OSBPL5: variants seen among roughly 807,000 people sequenced by gnomAD.
OSBPL5 encodes the protein oxysterol binding protein like 5, also known as oxysterol-binding protein-related protein 5.
A neutral mutation model predicts 111.2 loss-of-function variants in OSBPL5; 71 were observed. The ratio of observed to expected loss-of-function variants is 0.64; its 90% confidence interval spans 0.53 to 0.78. OSBPL5 has a LOEUF of 0.78. OSBPL5 is among the 30% of genes least tolerant of loss of function. OSBPL5 has a pLI of 0.00. For synonymous variants in OSBPL5, 549 were observed against 513.9 expected (o/e 1.07, Z -0.93); for missense variants, 1,210 against 1,189.3 (o/e 1.02, Z -0.26).
At chr11:3,100,018 C>CAAAA (rs398015214) in intron 14 of OSBPL5, 140 bp downstream of exon 14, 474 of 451,496 alleles carry the variant, frequency 1.0e-3, no homozygotes, top group Middle Eastern at 1.6e-3. Flanking sequence ...AACTCCATCT[C>CAAAA]AAAAAAAAAA....
chr11:3,104,444 G>C lies in OSBPL5; in HGVS notation c.1060-67C>G, dbSNP rs112653967. 975 of 1,550,502 alleles carry C rather than the reference G, an allele frequency of 6.3e-4. 9 individuals are homozygous for C. In the African/African-American group the frequency reaches 0.012, roughly 18 times the overall value. On this transcript the variant is annotated intron_variant, in intron 9 of 21. Coordinates refer to ENST00000263650, the MANE Select transcript of OSBPL5 (RefSeq NM_020896.4). This position sits in a 1 kb window ranked among gnomAD's most constrained non-coding sequence, Gnocchi z 5.0. ...CGGGAGGAAGGGGTGGCGGGACAGT[G>C]GCAGCTCTGGCTGGAGGAGGCTGTA...
chr11:3,164,634 G>C (rs949586339), intron 1 of OSBPL5, among the ~76,000 whole-genome samples: 4 of 152,184 alleles, frequency 2.6e-5, no homozygotes, highest in African/African-American at 9.7e-5. Flanking sequence ...CCAGAGATGG[G>C]GGCTGTGGGC....
intron 20 of OSBPL5, 132 bp downstream of exon 20, chr11:3,090,426 C>G: frequency 1.6e-6 from 2 of 1,289,088 alleles, no homozygotes; most frequent in Non-Finnish European, 1.1e-6. Context: ...CCCCTCAGGG[C>G]AGCAGAGGAG....
chr11:3,129,319 G>C, intron 1 of OSBPL5, 150 bp from the exon 2 acceptor site: 1 of 714,748 alleles, frequency 1.4e-6, no homozygotes, highest in Non-Finnish European at 2.0e-6. Flanking sequence ...GAGCCTGGTG[G>C]TGGGTGGTCA....
At position 3,110,430 on chromosome 11, in the gene OSBPL5, C is replaced by T. The variant is rs1857881449; in HGVS notation, c.692-2485G>A. ...GCGGCCACTCAGGGAACAGCAACAG[C>T]GTGCAATGCATTTGGGAGTCAGGGA... On this transcript the variant is annotated intron_variant, in intron 7 of 21. Transcript: ENST00000263650. The surrounding 1 kb of genome is among the most constrained non-coding windows in gnomAD (Gnocchi z 5.3). 6.6e-6 allele frequency among the ~76,000 whole-genome samples: 1 copy of T among 152,220 alleles called. No individual in the cohort carries two copies. The highest frequency in any genetic ancestry group is 2.4e-5 in the African/African-American group (1 of 41,456).
Position 3,095,823 on chromosome 11 carries a change from G to A in OSBPL5, c.1622-1489C>T, listed in dbSNP as rs1006584166. On this transcript the variant is annotated intron_variant, in intron 14 of 21. Transcript: ENST00000263650. ...GTGATTAAGTGAAAGAGGATGGAACGTCACCATCTAGCAATGCCTTTTACA... is the reference window on the plus strand; with the variant it reads ...GTGATTAAGTGAAAGAGGATGGAACATCACCATCTAGCAATGCCTTTTACA... Among the ~76,000 whole-genome samples the A allele has an allele frequency of 3.3e-5, 5 of 152,202 alleles. No homozygotes were observed. The South Asian group carries it at 6.2e-4, about 19-fold the overall frequency.
intron 14 of OSBPL5, among the ~76,000 whole-genome samples, 154 bp downstream of exon 14, chr11:3,100,004 G>A (rs2134402775): frequency 7.4e-6 from 1 of 135,032 alleles, no homozygotes; most frequent in East Asian, 2.3e-4. Flanking sequence ...GGCAACAAGA[G>A]CGAAACTCCA....
chr11:3,093,732 G>A lies in OSBPL5; in HGVS notation c.1809+14C>T, dbSNP rs1382828800. 1.9e-6 allele frequency: 3 copies of A among 1,612,798 alleles called. No individual in the cohort carries two copies. Among genetic ancestry groups the A allele is most frequent in the Non-Finnish European group, 2.5e-6 (3 of 1,179,962 alleles). On this transcript the variant is annotated intron_variant, in intron 16 of 21. Transcript: ENST00000263650. ...ACCGCCCGGCCGTGCCTGCCCTGAG[G>A]GACGGCCCCTTACCCAGTGGCCACT...
intron 4 of OSBPL5, 68 bp downstream of exon 4, chr11:3,122,280 C>T (rs912543946): frequency 1.3e-6 from 2 of 1,534,108 alleles, no homozygotes; most frequent in South Asian, 1.2e-5. Context: ...GGGAGGGTGA[C>T]CTCCCTGGCT....
In OSBPL5 at chr11:3,103,312, A is replaced by C. The variant is rs778498184; in HGVS notation, c.1253T>G (p.Val418Gly). The C allele has an allele frequency of 6.2e-7, 1 of 1,605,040 alleles. No homozygotes were observed. Among genetic ancestry groups the C allele is most frequent in the Admixed American group, 1.7e-5 (1 of 59,330 alleles). The change falls in exon 11 of 22, where the codon GTG becomes GGG. Residue 418 changes from valine to glycine, a missense_variant. Val to Gly is a moderately radical substitution (Grantham distance 109). Coordinates refer to ENST00000263650, the MANE Select transcript of OSBPL5 (RefSeq NM_020896.4). The part of the protein sequence containing the change: ...YHADLLSRAA[V>G]EEDAYSRMKL... ...CATGCGGCTGTAGGCATCCTCCTCC[A>C]CCGCAGCCCTGCCATGGGGCAGGAG... is the stretch of plus-strand genomic sequence containing the variant.
intron 7 of OSBPL5, among the ~76,000 whole-genome samples, chr11:3,115,104 TTG>T (rs887644838): frequency 2.0e-5 from 3 of 152,100 alleles, no homozygotes; most frequent in Admixed American, 1.3e-4. Flanking sequence ...TTCTGTTTTT[TTG>T]TGTGTGTGTG....
rs557351321 is a variant in OSBPL5, at chr11:3,092,763, A to T, written c.2132+104T>A. On this transcript the variant is annotated intron_variant, in intron 18 of 21. Coordinates refer to ENST00000263650, the MANE Select transcript of OSBPL5 (RefSeq NM_020896.4). This position sits in a 1 kb window ranked among gnomAD's most constrained non-coding sequence, Gnocchi z 5.4. ...CCTCCCCCACCGACTCCTCCAGGGG[A>T]CAGGCTGAAGGTGAGAGGGAAGCCA... 8.6e-5 allele frequency: 120 copies of T among 1,403,242 alleles called. 1 individual carries two copies. The East Asian group carries it at 2.8e-3, about 32-fold the overall frequency. The allele number at this position is 1,403,242 out of a possible 1,614,324, so 86.9% of individuals were successfully genotyped here.
At chr11:3,096,180 C>A (rs530321011) in intron 14 of OSBPL5, among the ~76,000 whole-genome samples, 74 of 152,318 alleles carry the variant, frequency 4.9e-4, no homozygotes, top group Non-Finnish European at 9.6e-4. Context: ...AGAGACCCAG[C>A]CAAACGGCCA....
intron 1 of OSBPL5, 53 bp from the exon 2 acceptor site, chr11:3,129,222 C>T (rs908444308): frequency 3.7e-6 from 5 of 1,346,664 alleles, no homozygotes; most frequent in Non-Finnish European, 3.8e-6. Context: ...GAAGGGGCTT[C>T]AGAGCCACAT....
intron 7 of OSBPL5, among the ~76,000 whole-genome samples, chr11:3,112,050 T>C (rs1321426167): frequency 1.0e-4 from 5 of 48,038 alleles, no homozygotes; most frequent in African/African-American, 1.9e-4. Context: ...TGCGCGCATG[T>C]GTGTGCATGT....
chr11:3,159,034 C>T (rs1346145748), intron 1 of OSBPL5, among the ~76,000 whole-genome samples: 1 of 152,158 alleles, frequency 6.6e-6, no homozygotes, highest in East Asian at 1.9e-4. Flanking sequence ...CCCTGCCATT[C>T]TTGGGGCCCC....
chr11:3,114,350 G>A (rs1222579992), intron 7 of OSBPL5, among the ~76,000 whole-genome samples: 1 of 151,870 alleles, frequency 6.6e-6, no homozygotes, highest in African/African-American at 2.4e-5. Context: ...ATCTTGTATG[G>A]TAAATTTAGT....
rs750069385 is a variant in OSBPL5 at position 3,122,080 on chromosome 11, G to A, written c.319C>T (p.Arg107Trp). ...ETLKAQKENY[R>W]QEKKRATRQL... ...CGTGTGGCGCGCTTCTTCTCCTGCC[G>A]GTAGTTCTCCTTCTGCGCCTGGGCC... The change falls in exon 5 of 22, where the codon CGG becomes TGG. Residue 107 changes from arginine to tryptophan, a missense_variant. Physicochemically the swap from Arg to Trp is moderately radical, Grantham distance 101. Transcript: ENST00000263650. The A allele has an allele frequency of 8.9e-6, 14 of 1,576,702 alleles. No individual in the cohort carries two copies. Among genetic ancestry groups the A allele is most frequent in the East Asian group, 4.6e-5 (2 of 43,716 alleles).
Position 3,093,622 on chromosome 11 carries a change from A to G in OSBPL5, c.1851T>C (p.Ser617=), listed in dbSNP as rs201216008. The change falls in exon 17 of 22, where the codon AGT becomes AGC. Residue 617 remains serine, a synonymous_variant. Coordinates refer to ENST00000263650, the MANE Select transcript of OSBPL5 (RefSeq NM_020896.4). ...VFIKEEGSGS[S]ALFWTPSGEV... is the part of the protein sequence containing the mutation. ...CCCCGCTCGGGGTCCAGAAAAGCGC[A>G]CTGCTTCCGCTCCCTTCCTCCTTGA... is the stretch of plus-strand genomic sequence containing the variant. The G allele has an allele frequency of 6.2e-7, 1 of 1,613,060 alleles. No individual in the cohort carries two copies. The highest frequency in any genetic ancestry group is 1.3e-5 in the African/African-American group (1 of 75,048).
Sources: gnomAD v4.1 joint callset for allele counts (sites outside exome capture counted in the v4.1 genomes callset) on GRCh38, gnomAD v4.1.1 for gene constraint, Gnocchi (gnomAD v3.1) non-coding constraint, MANE v1.5 for transcripts, NCBI Gene and HGNC (gene_info 2026-07-23, HGNC 2026-07-21) for gene names.